The following ARIH1 variants were observed in gnomAD, a reference collection of about 807,000 sequenced individuals.
The protein encoded by ARIH1 is E3 ubiquitin-protein ligase ARIH1.
In ARIH1, 8 loss-of-function variants were observed where a neutral mutation model predicts 85.0. The ratio of observed to expected loss-of-function variants is 0.09; its 90% CI spans 0.06 to 0.17. The LOEUF (loss-of-function observed/expected upper bound fraction) is 0.17, where lower values mean the gene tolerates loss of function less well. Ranked by LOEUF, ARIH1 falls within the 10% of genes least tolerant of loss-of-function variation. ARIH1 has a pLI of 1.00. For missense variants in ARIH1, 311 were observed against 718.1 expected (o/e 0.43, Z 6.48); for synonymous variants, 238 against 253.6 (o/e 0.94, Z 0.59).
At chr15:72,518,167 A>G in intron 2 of ARIH1, 33 bp downstream of exon 2, 2 of 1,542,202 alleles carry the variant, frequency 1.3e-6, no homozygotes, top group Non-Finnish European at 1.8e-6. Context: ...TTGTACTTAG[A>G]AGTAACACAG....
chr15:72,475,664 A>G (rs1240425342), intron 1 of ARIH1, among the ~76,000 whole-genome samples: 2 of 152,134 alleles, frequency 1.3e-5, no homozygotes, highest in Non-Finnish European at 2.9e-5. Context: ...TACTTTTTCT[A>G]GTCGTAGCAG....
In ARIH1 at chr15:72,597,228, G is replaced by A. The variant is rs1373885452; in HGVS notation, c.*13936G>A. 1 of 151,714 alleles carries A rather than the reference G, an allele frequency of 6.6e-6. No individual in the cohort carries two copies. The highest frequency in any genetic ancestry group is 2.4e-5 in the African/African-American group (1 of 41,280). The allele number at this position is 151,714 out of a possible 1,614,324, so 9.4% of individuals were successfully genotyped here. A position where few individuals can be genotyped will look rare whatever the true frequency, so the allele number is the denominator to read the frequency against. On this transcript the variant is annotated 3_prime_UTR_variant, in exon 14 of 14. Transcript: ENST00000379887. Reference sequence around the variant, plus strand: ...CTGATGTATATGAATTCTAGACTGGGGCTTCACTGCAGTTTTAGTTTGATT... The same window carrying A: ...CTGATGTATATGAATTCTAGACTGGAGCTTCACTGCAGTTTTAGTTTGATT...
Position 72,586,705 on chromosome 15 carries a change from C to T in ARIH1, c.*3413C>T, listed in dbSNP as rs2064318491. ...CTTTGCAGGGAACTGTGAATGAGCCCATTCCCCCAACATTTAACTTGGTTA... is the reference window on the plus strand; with the variant it reads ...CTTTGCAGGGAACTGTGAATGAGCCTATTCCCCCAACATTTAACTTGGTTA... On this transcript the variant is annotated 3_prime_UTR_variant, in exon 14 of 14. Transcript: ENST00000379887. 6.5e-6 allele frequency: 1 copy of T among 153,212 alleles called. No individual in the cohort carries two copies. The allele number at this position is 153,212 out of a possible 1,614,324, so 9.5% of individuals were successfully genotyped here.
chr15:72,487,381 A>G (rs1050727818), intron 1 of ARIH1, among the ~76,000 whole-genome samples: 18 of 152,148 alleles, frequency 1.2e-4, no homozygotes, highest in African/African-American at 3.4e-4. Context: ...CCTAATCACA[A>G]TTGTACAGTG....
chr15:72,508,902 C>T (rs1004312508), intron 1 of ARIH1, among the ~76,000 whole-genome samples: 1 of 151,860 alleles, frequency 6.6e-6, no homozygotes, highest in African/African-American at 2.4e-5. Flanking sequence ...CCATATTGGT[C>T]AGGCTGGTCT....
intron 1 of ARIH1, among the ~76,000 whole-genome samples, chr15:72,516,492 C>T (rs554291119): frequency 6.6e-6 from 1 of 152,264 alleles, no homozygotes; most frequent in Admixed American, 6.5e-5. Flanking sequence ...TTTCTGTTTT[C>T]TCTACAAATA....
intron 11 of ARIH1, among the ~76,000 whole-genome samples, chr15:72,577,140 G>A (rs1318198681): frequency 6.6e-6 from 1 of 151,566 alleles, no homozygotes; most frequent in Non-Finnish European, 1.5e-5. Flanking sequence ...GCGCCACCAT[G>A]CCTGGCTAAT....
intron 10 of ARIH1, among the ~76,000 whole-genome samples, chr15:72,570,559 T>C (rs1595872759): frequency 1.3e-5 from 2 of 152,126 alleles, no homozygotes; most frequent in East Asian, 1.9e-4. Flanking sequence ...GGAAAAACAT[T>C]TAGGGCAAAA....
At chr15:72,475,175 G>C (rs2063789431) in intron 1 of ARIH1, 161 bp downstream of exon 1, 1 of 1,348,832 alleles carries the variant, frequency 7.4e-7, no homozygotes, top group Admixed American at 3.2e-5. Context: ...AGAGGGTGTC[G>C]AAAGCAGAGG....
Position 72,555,263 on chromosome 15 carries a change from T to C in ARIH1, c.589-8T>C. The stretch of plus-strand genomic sequence containing the variant: ...CTTTGTTAAGTTCATGTTTTGTTTT[T>C]CTTACAGTATTTCACTGGCCTTGAA... On this transcript the variant is annotated splice_polypyrimidine_tract_variant and splice_region_variant and intron_variant, in intron 3 of 13. Transcript: ENST00000379887. 3.1e-6 allele frequency: 5 copies of C among 1,604,742 alleles called. No homozygotes were observed. The highest frequency in any genetic ancestry group is 4.3e-6 in the Non-Finnish European group (5 of 1,171,944).
rs149160406 is a variant in ARIH1 at position 72,538,914 on chromosome 15, T to C, written c.444-5906T>C. Among the ~76,000 whole-genome samples the C allele has an allele frequency of 2.8e-3, 430 of 152,342 alleles. 1 individual carries two copies. Among genetic ancestry groups the C allele is most frequent in the Middle Eastern group, 0.01 (3 of 294 alleles). On this transcript the variant is annotated intron_variant, in intron 2 of 13. Transcript: ENST00000379887. ...ATGAAAATCTTAATGTAGAGAAATA[T>C]AGGCCATAGGAATGGGTGTTAACCT...
intron 2 of ARIH1, among the ~76,000 whole-genome samples, chr15:72,535,551 C>A (rs1401596436): frequency 6.6e-6 from 1 of 152,192 alleles, no homozygotes; most frequent in East Asian, 1.9e-4. Flanking sequence ...TTGTTTGATT[C>A]ATAGGCTTTC....
chr15:72,536,899 T>C (rs1033746342), intron 2 of ARIH1, among the ~76,000 whole-genome samples: 6 of 152,160 alleles, frequency 3.9e-5, no homozygotes, highest in Non-Finnish European at 8.8e-5. Flanking sequence ...TTATAATGCC[T>C]TTTTAAAAAA....
chr15:72,528,690 AC>A (rs1296213966), intron 2 of ARIH1, among the ~76,000 whole-genome samples: 3 of 152,062 alleles, frequency 2.0e-5, no homozygotes, highest in Non-Finnish European at 4.4e-5. Context: ...CCCCATCTCT[AC>A]AAAAAAATAA....
At chr15:72,541,175 G>A (rs2064105683) in intron 2 of ARIH1, among the ~76,000 whole-genome samples, 1 of 152,214 alleles carries the variant, frequency 6.6e-6, no homozygotes, top group African/African-American at 2.4e-5. Context: ...AGCTACAGCT[G>A]TGAGGGTTTA....
In ARIH1 at chr15:72,585,832, GTTA is replaced by G. The variant is rs1328599429; in HGVS notation, c.*2544_*2546del. The G allele has an allele frequency of 1.3e-5, 2 of 152,146 alleles. No individual in the cohort carries two copies. The highest frequency in any genetic ancestry group is 3.8e-4 in the East Asian group (2 of 5,196). 9.4% of individuals were successfully genotyped at this position (152,146 alleles called of 1,614,324 possible). ...AGAATTCCCAGAGTGAATTGCTTGTGTTATTAGTAGATTCAGTGCCCCCAGCTG... is the reference window on the plus strand; with the variant it reads ...AGAATTCCCAGAGTGAATTGCTTGTGTTAGTAGATTCAGTGCCCCCAGCTG... On this transcript the variant is annotated 3_prime_UTR_variant, in exon 14 of 14. Transcript: ENST00000379887.
At chr15:72,515,639 A>G (rs2063971720) in intron 1 of ARIH1, among the ~76,000 whole-genome samples, 1 of 152,216 alleles carries the variant, frequency 6.6e-6, no homozygotes, top group African/African-American at 2.4e-5. Flanking sequence ...CATCTTACAT[A>G]GGCAGTGGTT....
intron 3 of ARIH1, 75 bp from the exon 4 acceptor site, chr15:72,555,196 G>T (rs1399869170): frequency 1.0e-5 from 11 of 1,068,150 alleles, no homozygotes; most frequent in Middle Eastern, 2.0e-4. Flanking sequence ...ACCTTACAGA[G>T]CCCTGTTGAG....
intron 2 of ARIH1, 59 bp from the exon 3 acceptor site, chr15:72,544,761 G>A (rs2064121940): frequency 2.1e-6 from 3 of 1,419,848 alleles, no homozygotes; most frequent in South Asian, 1.6e-5. Context: ...CAGGTTTTTG[G>A]AGAGCTCTAA....
Sources: gnomAD v4.1 joint callset for allele counts (sites outside exome capture counted in the v4.1 genomes callset) on GRCh38, gnomAD v4.1.1 for gene constraint, MANE v1.5 for transcripts, NCBI Gene and HGNC (gene_info 2026-07-23, HGNC 2026-07-21) for gene names.